KDM4C: variants seen among roughly 807,000 people sequenced by gnomAD.
The protein encoded by KDM4C is lysine demethylase 4C.
In KDM4C, 81 loss-of-function variants were observed where a neutral mutation model predicts 129.3. The observed-to-expected ratio is 0.63, with a 90% CI of 0.52 to 0.75. The LOEUF is 0.75. KDM4C is among the 30% of genes least tolerant of loss of function. The pLI is 0.00. For synonymous variants in KDM4C, 573 were observed against 456.1 expected (o/e 1.26, Z -3.26); for missense variants, 1,457 against 1,304.0 (o/e 1.12, Z -1.81).
At chr9:6,856,646 A>C (rs12006340) in intron 5 of KDM4C, among the ~76,000 whole-genome samples, 63,729 of 150,318 alleles carry the variant, frequency 0.42, 14,821 homozygotes, top group African/African-American at 0.62. Flanking sequence ...GATGATGGCT[A>C]ACTGCAGCCA....
intron 5 of KDM4C, among the ~76,000 whole-genome samples, chr9:6,879,431 TA>T: frequency 6.6e-6 from 1 of 152,274 alleles, no homozygotes; most frequent in South Asian, 2.1e-4. Flanking sequence ...ATGAAATAAA[TA>T]AAACTTTTTT....
chr9:7,122,866 C>G (rs1839650625), intron 18 of KDM4C, among the ~76,000 whole-genome samples: 1 of 152,170 alleles, frequency 6.6e-6, no homozygotes, highest in Non-Finnish European at 1.5e-5. Context: ...CTTCAGAACA[C>G]CATAGCCATT....
intron 17 of KDM4C, among the ~76,000 whole-genome samples, chr9:7,103,094 T>G (rs1195907043): frequency 6.6e-6 from 1 of 152,226 alleles, no homozygotes; most frequent in Non-Finnish European, 1.5e-5. Flanking sequence ...TTTTCTCACT[T>G]TGGGAGGCAT....
At chr9:7,085,295 A>G (rs892555457) in intron 17 of KDM4C, among the ~76,000 whole-genome samples, 1 of 152,232 alleles carries the variant, frequency 6.6e-6, no homozygotes, top group Non-Finnish European at 1.5e-5. Flanking sequence ...CTTCATCTCT[A>G]AAACAAATGA....
intron 1 of KDM4C, among the ~76,000 whole-genome samples, chr9:6,775,037 GTCTC>G (rs990341376): frequency 1.4e-4 from 21 of 152,136 alleles, no homozygotes; most frequent in Admixed American, 3.9e-4. Context: ...TTGAGATGGA[GTCTC>G]TCTCTGTTGC....
At chr9:7,170,112 C>T (rs887397023) in intron 21 of KDM4C, 110 of 1,427,464 alleles carry the variant, frequency 7.7e-5, no homozygotes, top group Non-Finnish European at 2.6e-5. Context: ...AATGAAGTCA[C>T]ATGATGCTTC....
chr9:6,872,784 C>T (rs193160364), intron 5 of KDM4C, among the ~76,000 whole-genome samples: 1 of 152,220 alleles, frequency 6.6e-6, no homozygotes, highest in East Asian at 1.9e-4. Context: ...AGATGAGTCT[C>T]CTGAATACAG....
Position 7,112,693 on chromosome 9 carries a change from G to A in KDM4C, c.2610+8823G>A, listed in dbSNP as rs6477155. Among the ~76,000 whole-genome samples the A allele has an allele frequency of 7.6e-3, 1,161 of 152,296 alleles. 16 individuals carry two copies. The highest frequency in any genetic ancestry group is 0.026 in the African/African-American group (1,071 of 41,570). ...GCTATGGGTTGAATCTATCCTTTCA[G>A]TTTCCTTTTTATTTTCCCTCACTTC... On this transcript the variant is annotated intron_variant, in intron 18 of 21. Coordinates refer to ENST00000381309, the MANE Select transcript of KDM4C (RefSeq NM_015061.6).
At chr9:6,776,598 C>CTTTTT (rs34450311) in intron 1 of KDM4C, among the ~76,000 whole-genome samples, 1 of 106,194 alleles carries the variant, frequency 9.4e-6, no homozygotes, top group African/African-American at 3.5e-5. Flanking sequence ...CTCAAACCCA[C>CTTTTT]TTTTTTTTTT....
chr9:6,898,154 C>CT (rs1184598446), intron 8 of KDM4C, among the ~76,000 whole-genome samples: 2 of 152,152 alleles, frequency 1.3e-5, no homozygotes, highest in Non-Finnish European at 2.9e-5. Flanking sequence ...CATCAAAAAA[C>CT]TGACAGGCTG....
upstream of KDM4C, among the ~76,000 whole-genome samples, chr9:6,756,991 G>T (rs1279777299): frequency 6.6e-6 from 1 of 152,108 alleles, no homozygotes; most frequent in Non-Finnish European, 1.5e-5. Flanking sequence ...TAGCTAAGAC[G>T]TTAGAGAAAA....
intron 4 of KDM4C, among the ~76,000 whole-genome samples, chr9:6,842,831 A>G (rs1837214906): frequency 6.6e-6 from 1 of 152,036 alleles, no homozygotes; most frequent in Non-Finnish European, 1.5e-5. Flanking sequence ...TGCCTTCACT[A>G]ATTGCTGTTA....
chr9:6,825,615 T>A (rs1295084177), intron 4 of KDM4C, among the ~76,000 whole-genome samples: 1 of 152,196 alleles, frequency 6.6e-6, no homozygotes, highest in African/African-American at 2.4e-5. Flanking sequence ...GGCAAAATTT[T>A]ACAAGTGGAC....
intron 8 of KDM4C, among the ~76,000 whole-genome samples, chr9:6,937,845 G>C (rs1353581657): frequency 6.6e-6 from 1 of 152,054 alleles, no homozygotes; most frequent in Non-Finnish European, 1.5e-5. Context: ...CTGAGTAGCT[G>C]GGACTACATG....
intron 20 of KDM4C, among the ~76,000 whole-genome samples, chr9:7,168,611 G>C (rs1844641178): frequency 1.3e-5 from 2 of 151,170 alleles, no homozygotes; most frequent in South Asian, 4.2e-4. Context: ...TTTAGATGAT[G>C]ATGTATTTTC....
In KDM4C at chr9:7,140,028, T is replaced by C. The variant is rs72705330; in HGVS notation, c.2781+11792T>C. On this transcript the variant is annotated intron_variant, in intron 19 of 21. Transcript: ENST00000381309. ...AGCTTCACCTCTTGACTTGGGATCT[T>C]ATACACTGACATACTTCTGGGGCAT... Among the ~76,000 whole-genome samples, 999 of 152,334 alleles carry C rather than the reference T, an allele frequency of 6.6e-3. 4 individuals carry two copies. Among genetic ancestry groups the C allele is most frequent in the Non-Finnish European group, 0.011 (719 of 68,036 alleles).
At chr9:6,877,534 G>A (rs1303478055) in intron 5 of KDM4C, among the ~76,000 whole-genome samples, 3 of 152,166 alleles carry the variant, frequency 2.0e-5, no homozygotes, top group African/African-American at 4.8e-5. Flanking sequence ...TTCCAGCCCT[G>A]CAACTTGTAT....
At chr9:6,818,289 C>T (rs1033351173) in intron 4 of KDM4C, among the ~76,000 whole-genome samples, 1 of 152,128 alleles carries the variant, frequency 6.6e-6, no homozygotes, top group African/African-American at 2.4e-5. Flanking sequence ...TCAAATCGTA[C>T]CTTGTATTAC....
At chr9:7,034,724 C>G (rs1485677198) in intron 15 of KDM4C, among the ~76,000 whole-genome samples, 1 of 152,084 alleles carries the variant, frequency 6.6e-6, no homozygotes, top group Non-Finnish European at 1.5e-5. Context: ...TGTGGTAGTT[C>G]TATTTGTAGT....
Sources: gnomAD v4.1 joint callset for allele counts (sites outside exome capture counted in the v4.1 genomes callset) on GRCh38, gnomAD v4.1.1 for gene constraint, MANE v1.5 for transcripts, NCBI Gene and HGNC (gene_info 2026-07-23, HGNC 2026-07-21) for gene names.